The following SMS variants were observed in gnomAD, a reference collection of about 807,000 sequenced individuals.
SMS encodes the protein spermidine aminopropyltransferase.
SMS carries 3 observed loss-of-function variants against 33.0 expected under a neutral mutation model. That is an observed-to-expected ratio of 0.09 (90% CI 0.04 to 0.23). SMS has a LOEUF of 0.23. Ranked by LOEUF, SMS falls within the 10% of genes least tolerant of loss-of-function variation. The pLI, the probability that SMS is intolerant of heterozygous loss-of-function variation, is 1.00. For missense variants in SMS, 117 were observed against 288.6 expected, an observed-to-expected ratio of 0.41 and a Z score of 4.31; for synonymous variants, 103 against 112.2, an observed-to-expected ratio of 0.92 and a Z score of 0.52.
intron 1 of SMS, among the ~76,000 whole-genome samples, chrX:21,944,823 C>A (rs1268195583): frequency 9.0e-6 from 1 of 110,614 alleles, no homozygotes; most frequent in African/African-American, 3.3e-5. Flanking sequence ...ACTAAAAATA[C>A]AAAAATCAGC....
chrX:21,993,903 C>T (rs924877377), intron 10 of SMS, among the ~76,000 whole-genome samples: 5 of 107,989 alleles, frequency 4.6e-5, no homozygotes, highest in East Asian at 5.8e-4. Flanking sequence ...CCCTCTCCTC[C>T]TCCTTCCCTC....
At chrX:21,955,766 G>A (rs754495244) in intron 1 of SMS, among the ~76,000 whole-genome samples, 2 of 111,856 alleles carry the variant, frequency 1.8e-5, no homozygotes, top group African/African-American at 3.3e-5. Context: ...GATACCTTAC[G>A]TTGTTTGCAT....
intron 1 of SMS, among the ~76,000 whole-genome samples, chrX:21,958,668 A>T (rs1923136066): frequency 9.0e-6 from 1 of 111,720 alleles, no homozygotes; most frequent in African/African-American, 3.2e-5. Context: ...CATCTCTATG[A>T]GTTTGCCTTT....
chrX:21,994,222 A>G (rs1008942151), intron 10 of SMS, 90 bp from the exon 11 acceptor site: 17 of 850,687 alleles, frequency 2.0e-5, no homozygotes, highest in Admixed American at 8.9e-5. Flanking sequence ...CTTTTCATCC[A>G]TCTTTCAATT....
chrX:21,953,135 C>T (rs1467518755), intron 1 of SMS, among the ~76,000 whole-genome samples: 2 of 110,315 alleles, frequency 1.8e-5, no homozygotes, highest in African/African-American at 3.3e-5. Context: ...ATTTCATATT[C>T]GGTGAGTTGT....
intron 9 of SMS, among the ~76,000 whole-genome samples, chrX:21,987,988 G>A (rs1348709963): frequency 2.7e-5 from 3 of 112,443 alleles, no homozygotes; most frequent in Admixed American, 9.4e-5. Flanking sequence ...TCTTGCCTTT[G>A]CCAATAGACT....
chrX:21,959,937 G>A (rs1035882778), intron 1 of SMS: 28 of 752,695 alleles, frequency 3.7e-5, no homozygotes, highest in Non-Finnish European at 4.4e-5. Flanking sequence ...AGGCAAGAAG[G>A]GGCCGGGTAT....
intron 1 of SMS, among the ~76,000 whole-genome samples, chrX:21,950,318 T>C (rs775360866): frequency 1.1e-4 from 12 of 111,035 alleles, no homozygotes; most frequent in Non-Finnish European, 1.9e-4. Context: ...AGTCCAAGTG[T>C]TTGTTCCTAC....
intron 9 of SMS, among the ~76,000 whole-genome samples, chrX:21,990,601 T>G (rs941852791): frequency 6.2e-5 from 7 of 112,713 alleles, no homozygotes; most frequent in African/African-American, 2.3e-4. Context: ...GTGTGTTTTC[T>G]TCTTTGAAAC....
rs749217970 is a variant in SMS, at chrX:21,984,423, A to AT, written c.865+12dup. The stretch of plus-strand genomic sequence containing the variant: ...TCTCCACGTCTCCAGAAGAAGGTAG[A>AT]TTTTTTTAACCAAGATATTTATGAT... On this transcript the variant is annotated splice_donor_region_variant and intron_variant, in intron 8 of 10. Coordinates refer to ENST00000404933, the MANE Select transcript of SMS (RefSeq NM_004595.5). 1.2e-4 allele frequency: 123 copies of AT among 1,048,713 alleles called. 1 individual carries two copies. In the Admixed American group the frequency reaches 1.2e-3, roughly 10 times the overall value. The allele number at this position is 1,048,713 out of a possible 1,213,427, so 86.4% of individuals were successfully genotyped here.
intron 7 of SMS, among the ~76,000 whole-genome samples, chrX:21,983,232 C>T (rs1289529223): frequency 1.8e-5 from 2 of 109,853 alleles, no homozygotes; most frequent in Admixed American, 9.8e-5. Context: ...TAGAGACGGG[C>T]TTTCACCATG....
chrX:21,987,278 C>T (rs1032910990), intron 9 of SMS, among the ~76,000 whole-genome samples: 13 of 111,558 alleles, frequency 1.2e-4, no homozygotes, highest in East Asian at 2.8e-4. Flanking sequence ...ATTACAGGCG[C>T]GAGCCACTGC....
At chrX:21,971,395 A>G (rs192136998) in intron 2 of SMS, among the ~76,000 whole-genome samples, 22 of 112,011 alleles carry the variant, frequency 2.0e-4, no homozygotes, top group Non-Finnish European at 1.1e-4. Flanking sequence ...AGGCTTTACA[A>G]AAACATACTG....
chrX:21,964,048 A>C (rs1427650121), intron 1 of SMS, among the ~76,000 whole-genome samples: 8 of 104,587 alleles, frequency 7.6e-5, no homozygotes, highest in Non-Finnish European at 1.9e-5. Flanking sequence ...TTATCTTACC[A>C]AGTTTGAAAT....
rs189924849 is a variant in SMS, at chrX:21,977,301, C to T, written c.505+65C>T. 53 of 987,284 alleles carry T rather than the reference C, an allele frequency of 5.4e-5. No homozygotes were observed. The African/African-American group carries it at 9.6e-4, about 18-fold the overall frequency. The allele number at this position is 987,284 out of a possible 1,213,427, so 81.4% of individuals were successfully genotyped here. A position where few individuals can be genotyped will look rare whatever the true frequency, so the allele number is the denominator to read the frequency against. ...GTGATGTGTTGAATGATGGTGTTTTCCTGACAATTACTACTGTCGTGGATT... is the reference window on the plus strand; with the variant it reads ...GTGATGTGTTGAATGATGGTGTTTTTCTGACAATTACTACTGTCGTGGATT... On this transcript the variant is annotated intron_variant, in intron 5 of 10. Transcript: ENST00000404933.
intron 9 of SMS, among the ~76,000 whole-genome samples, chrX:21,988,344 C>T (rs981918347): frequency 1.8e-5 from 2 of 111,252 alleles, no homozygotes; most frequent in East Asian, 2.8e-4. Flanking sequence ...CATGCCCACC[C>T]GCTTTGCCCA....
At position 21,970,554 on chromosome X, in the gene SMS, T is replaced by C. The variant is rs900771512; in HGVS notation, c.171-1343T>C. Among the ~76,000 whole-genome samples, 3 of 109,675 alleles carry C rather than the reference T, an allele frequency of 2.7e-5. No individual in the cohort carries two copies. In the Admixed American group the frequency reaches 2.9e-4, roughly 11 times the overall value. ...CACTTAAGGGCTGAAGGTGAAAAAT[T>C]AACTAGTTTTGTTTTATTTTAAATT... On this transcript the variant is annotated intron_variant, in intron 2 of 10. Transcript: ENST00000404933.
intron 1 of SMS, among the ~76,000 whole-genome samples, chrX:21,961,584 A>AG (rs1238883236): frequency 9.0e-6 from 1 of 110,893 alleles, no homozygotes. Flanking sequence ...ATGAGGCAGG[A>AG]GGGTGAAGCT....
chrX:21,967,523 A>G (rs1017963198), intron 2 of SMS, among the ~76,000 whole-genome samples: 1 of 111,512 alleles, frequency 9.0e-6, no homozygotes, highest in Non-Finnish European at 1.9e-5. Context: ...GCTCTCATGT[A>G]TATAGAGATT....
Sources: allele counts gnomAD v4.1 joint callset (sites outside exome capture counted in the v4.1 genomes callset), GRCh38; gene constraint gnomAD v4.1.1; transcripts MANE v1.5; gene names NCBI Gene and HGNC (gene_info 2026-07-23, HGNC 2026-07-21).